The following CTNNA3 variants were observed in gnomAD, a reference collection of about 807,000 sequenced individuals.
CTNNA3 encodes catenin alpha 3.
A neutral mutation model predicts 95.7 loss-of-function variants in CTNNA3; 76 were observed. The ratio of observed to expected loss-of-function variants is 0.79; its 90% confidence interval spans 0.66 to 0.96. The LOEUF (loss-of-function observed/expected upper bound fraction) is 0.96. CTNNA3 is among the 40% of genes least tolerant of loss of function. The probability of loss-of-function intolerance (pLI) is 0.00; values close to 1 mark genes in which losing one functional copy is unlikely to be tolerated. For missense variants in CTNNA3, 1,191 were observed against 1,089.8 expected (o/e 1.09, Z -1.31); for synonymous variants, 431 against 374.4 (o/e 1.15, Z -1.74).
chr10:66,739,983 T>C (rs1415908633), intron 9 of CTNNA3, among the ~76,000 whole-genome samples: 2 of 152,166 alleles, frequency 1.3e-5, no homozygotes, highest in Non-Finnish European at 2.9e-5. Context: ...ACGTGCAAGA[T>C]AACGTGGGAA....
chr10:66,723,408 A>G (rs10997365), intron 9 of CTNNA3, among the ~76,000 whole-genome samples: 4,323 of 151,718 alleles, frequency 0.028, 189 homozygotes, highest in East Asian at 0.22. Context: ...TACAGTTAAC[A>G]CTCTAAATTG....
chr10:66,613,744 G>A (rs1487175489), intron 10 of CTNNA3, among the ~76,000 whole-genome samples: 1 of 151,962 alleles, frequency 6.6e-6, no homozygotes, highest in Non-Finnish European at 1.5e-5. Context: ...AGTCTTAAGA[G>A]CATTTTGTGC....
chr10:65,966,714 C>A lies in CTNNA3; in HGVS notation c.2298G>T (p.Leu766Phe). Residue 766 changes from leucine (L) to phenylalanine (F), a missense_variant, in exon 17 of 18, where the codon TTG (leucine) becomes TTT (phenylalanine). By Grantham distance (22) the Leu-to-Phe change is conservative. Transcript: ENST00000433211. ...AGAACTTAATCTGTTCCAGGTAGGCCAACAAGTCCTGTTTACAAGATGGAT... is the reference window on the plus strand; with the variant it reads ...AGAACTTAATCTGTTCCAGGTAGGCAAACAAGTCCTGTTTACAAGATGGAT... ...CPDPSCKQDLLAYLEQIKFYS... is the reference protein window; with the variant it reads ...CPDPSCKQDLFAYLEQIKFYS... 1 of 1,612,422 alleles carries A rather than the reference C, an allele frequency of 6.2e-7. No homozygotes were observed. The highest frequency in any genetic ancestry group is 8.5e-7 in the Non-Finnish European group (1 of 1,178,898).
chr10:67,367,940 T>C (rs577545762), intron 5 of CTNNA3, among the ~76,000 whole-genome samples: 3 of 152,118 alleles, frequency 2.0e-5, no homozygotes, highest in Non-Finnish European at 4.4e-5. Flanking sequence ...GGTACTATGC[T>C]CAGTATGTGG....
intron 9 of CTNNA3, among the ~76,000 whole-genome samples, chr10:66,696,770 TA>T (rs34725693): frequency 0.32 from 48,169 of 149,444 alleles, 8,625 homozygotes; most frequent in East Asian, 0.58. Flanking sequence ...CTGTCTCTAT[TA>T]AAAAAAAAAA....
At chr10:66,218,440 A>G (rs2088697789) in intron 13 of CTNNA3, among the ~76,000 whole-genome samples, 1 of 152,118 alleles carries the variant, frequency 6.6e-6, no homozygotes, top group South Asian at 2.1e-4. Context: ...TATGGCCTGA[A>G]GGAAGTCATG....
chr10:66,860,541 C>T (rs538112671), intron 7 of CTNNA3, among the ~76,000 whole-genome samples: 1 of 152,228 alleles, frequency 6.6e-6, no homozygotes, highest in South Asian at 2.1e-4. Flanking sequence ...AGCAGTCTCC[C>T]TCATGGCTCT....
intron 2 of CTNNA3, among the ~76,000 whole-genome samples, chr10:67,610,155 C>T (rs895219485): frequency 6.6e-6 from 1 of 152,200 alleles, no homozygotes. Flanking sequence ...TGATGCTTCC[C>T]ACTGCACATT....
chr10:66,266,258 A>G (rs921845097), intron 13 of CTNNA3, among the ~76,000 whole-genome samples: 4 of 151,874 alleles, frequency 2.6e-5, no homozygotes, highest in Admixed American at 2.6e-4. Context: ...CAATGCATCA[A>G]AGGGAGAAAC....
At chr10:66,118,844 G>A (rs541342317) in intron 13 of CTNNA3, among the ~76,000 whole-genome samples, 1 of 152,162 alleles carries the variant, frequency 6.6e-6, no homozygotes, top group South Asian at 2.1e-4. Context: ...CATCAGCTTG[G>A]TTTAATTGAA....
At chr10:66,377,549 A>T (rs561136546) in intron 12 of CTNNA3, among the ~76,000 whole-genome samples, 43 of 152,242 alleles carry the variant, frequency 2.8e-4, no homozygotes, top group African/African-American at 1.0e-3. Context: ...ATGATCATAA[A>T]GTATGCTCAC....
At chr10:67,387,258 G>A (rs936072390) in intron 5 of CTNNA3, among the ~76,000 whole-genome samples, 12 of 152,200 alleles carry the variant, frequency 7.9e-5, no homozygotes, top group Admixed American at 4.6e-4. Flanking sequence ...AGCGCAAGGG[G>A]TCAGGGAGTT....
At chr10:67,068,685 C>G (rs1856245080) in intron 7 of CTNNA3, among the ~76,000 whole-genome samples, 2 of 152,210 alleles carry the variant, frequency 1.3e-5, no homozygotes, top group Non-Finnish European at 1.5e-5. Flanking sequence ...GAGTTATCAA[C>G]AGCAAATGAC....
intron 5 of CTNNA3, among the ~76,000 whole-genome samples, chr10:67,385,116 A>C (rs2132744219): frequency 6.6e-6 from 1 of 152,334 alleles, no homozygotes; most frequent in South Asian, 2.1e-4. Context: ...AAAGATTTGA[A>C]TTTCTTTTCA....
intron 7 of CTNNA3, among the ~76,000 whole-genome samples, chr10:67,134,461 G>A (rs112488349): frequency 1.3e-5 from 2 of 152,040 alleles, no homozygotes; most frequent in African/African-American, 4.8e-5. Flanking sequence ...AAAATAATAC[G>A]ATGGATGCTA....
At chr10:67,713,709 CT>C (rs1236186951) in intron 1 of CTNNA3, among the ~76,000 whole-genome samples, 4 of 152,180 alleles carry the variant, frequency 2.6e-5, no homozygotes, top group Non-Finnish European at 5.9e-5. Context: ...ACCGCATGTT[CT>C]CACTCATAAG....
intron 7 of CTNNA3, among the ~76,000 whole-genome samples, chr10:67,113,714 G>T (rs887290741): frequency 5.9e-5 from 9 of 152,080 alleles, no homozygotes; most frequent in Admixed American, 2.0e-4. Context: ...AAGAGATTTA[G>T]GCTATCAGAG....
intron 5 of CTNNA3, among the ~76,000 whole-genome samples, chr10:67,514,117 G>A (rs1015909854): frequency 6.6e-6 from 1 of 152,036 alleles, no homozygotes; most frequent in African/African-American, 2.4e-5. Flanking sequence ...TGGGCAACAT[G>A]GTGAAACCCT....
intron 3 of CTNNA3, among the ~76,000 whole-genome samples, chr10:67,594,202 T>C (rs1842867934): frequency 1.3e-5 from 2 of 152,202 alleles, no homozygotes; most frequent in Non-Finnish European, 2.9e-5. Context: ...TGAGGTATAT[T>C]GGCCTGAAGT....
Sources: allele counts gnomAD v4.1 joint callset (sites outside exome capture counted in the v4.1 genomes callset), GRCh38; gene constraint gnomAD v4.1.1; transcripts MANE v1.5; gene names NCBI Gene and HGNC (gene_info 2026-07-23, HGNC 2026-07-21).